SYNE1: variants seen among roughly 807,000 people sequenced by gnomAD.
SYNE1 encodes nesprin-1.
In SYNE1, 616 loss-of-function variants were observed where a neutral mutation model predicts 1,111.0. The observed-to-expected ratio is 0.55, with a 90% confidence interval of 0.52 to 0.59. SYNE1 has a LOEUF of 0.59. Ranked by LOEUF, SYNE1 falls within the 20% of genes least tolerant of loss-of-function variation. SYNE1 has a pLI of 0.00. For synonymous variants in SYNE1, 3,855 were observed against 3,825.8 expected (o/e 1.01, Z -0.28); for missense variants, 10,006 against 10,417.0 (o/e 0.96, Z 1.72).
chr6:152,198,606 T>G (rs1029962133), intron 127 of SYNE1, among the ~76,000 whole-genome samples: 6 of 152,180 alleles, frequency 3.9e-5, no homozygotes, highest in African/African-American at 7.2e-5. Flanking sequence ...AGACATGAGA[T>G]TTTTTTCAAT....
chr6:152,330,038 T>A lies in SYNE1; in HGVS notation c.14647A>T (p.Met4883Leu), dbSNP rs761441922. 6.2e-7 allele frequency: 1 copy of A among 1,614,070 alleles called. No individual in the cohort carries two copies. The highest frequency in any genetic ancestry group is 1.7e-5 in the Admixed American group (1 of 59,988). Residue 4883 changes from methionine to leucine, a missense_variant, in exon 78 of 146, where the codon ATG becomes TTG. Around this residue, in one of 7 missense-constraint regions of SYNE1, gnomAD observed 4,955 missense variants for 5,017.2 expected, o/e 0.99. Coordinates refer to ENST00000367255, the MANE Select transcript of SYNE1 (RefSeq NM_182961.4). ...GTCTGGAAGTCTATACTCTGCACCA[T>A]TCGGCTCTCACATTCTGTCACCGTC... ...GETVTECESR[M>L]VQSIDFQTEM...
Position 152,269,436 on chromosome 6 carries a change from C to T in SYNE1, c.18574-150G>A, listed in dbSNP as rs191519917. On this transcript the variant is annotated intron_variant, in intron 98 of 145. Transcript: ENST00000367255. ...CCACATTTTTTAAAAAAAACAGTAA[C>T]ACAAAACCCATCTAAGTTATGGCAT... 9.8e-6 allele frequency: 11 copies of T among 1,121,944 alleles called. No individual in the cohort carries two copies. The Admixed American group carries it at 2.2e-4, about 22-fold the overall frequency. The allele number at this position is 1,121,944 out of a possible 1,614,324, so 69.5% of individuals were successfully genotyped here. A position where few individuals can be genotyped will look rare whatever the true frequency, so the allele number is the denominator to read the frequency against.
chr6:152,520,600 T>A, intron 5 of SYNE1, 58 bp from the exon 6 acceptor site: 1 of 1,550,132 alleles, frequency 6.5e-7, no homozygotes, highest in Non-Finnish European at 8.9e-7. Flanking sequence ...AAAATGTTAG[T>A]TATAAGATCT....
intron 13 of SYNE1, among the ~76,000 whole-genome samples, chr6:152,484,115 G>A (rs2098926536): frequency 6.6e-6 from 1 of 151,704 alleles, no homozygotes; most frequent in African/African-American, 2.4e-5. Flanking sequence ...GGGAGGCTGA[G>A]GTAGGATGAT....
chr6:152,358,889 G>A (rs545928910), intron 65 of SYNE1, among the ~76,000 whole-genome samples: 1 of 152,100 alleles, frequency 6.6e-6, no homozygotes, highest in African/African-American at 2.4e-5. Flanking sequence ...AGATTTGGAC[G>A]TACTGTGGAT....
In SYNE1 at chr6:152,230,708, CAA is replaced by C; in HGVS notation, c.21040-8_21040-7del. On this transcript the variant is annotated splice_region_variant and splice_polypyrimidine_tract_variant and intron_variant, in intron 114 of 145. Transcript: ENST00000367255. ...AAGCCTTCCAACAGCTGGATCTGAA[CAA>C]ACACAATAAAATGAAATTTGCAACT... 6.2e-7 allele frequency: 1 copy of C among 1,613,612 alleles called. No homozygotes were observed. The highest frequency in any genetic ancestry group is 1.1e-5 in the South Asian group (1 of 91,052).
intron 127 of SYNE1, 24 bp from the exon 128 acceptor site, chr6:152,189,431 T>A (rs906123997): frequency 1.1e-5 from 17 of 1,612,522 alleles, no homozygotes; most frequent in Non-Finnish European, 1.4e-5. Context: ...CAAACTTGAA[T>A]ACCCACGGAC....
chr6:152,463,823 C>G (rs534732461), intron 18 of SYNE1, among the ~76,000 whole-genome samples: 17 of 152,180 alleles, frequency 1.1e-4, no homozygotes, highest in African/African-American at 4.1e-4. Flanking sequence ...GTGTAAGAGA[C>G]CTGTGCATAA....
intron 3 of SYNE1, among the ~76,000 whole-genome samples, chr6:152,598,802 T>C (rs914810360): frequency 3.9e-5 from 6 of 152,236 alleles, no homozygotes; most frequent in African/African-American, 1.4e-4. Flanking sequence ...ATGTGATCTA[T>C]CTGACAGATA....
Position 152,232,279 on chromosome 6 carries a change from G to T in SYNE1, c.20713-14C>A, listed in dbSNP as rs1343446899. 1 of 1,613,600 alleles carries T rather than the reference G, an allele frequency of 6.2e-7. No individual in the cohort carries two copies. The highest frequency in any genetic ancestry group is 8.5e-7 in the Non-Finnish European group (1 of 1,179,794). ...ATCCATCTGGAGCTGTCCAAGTCAG[G>T]GAGAGAACCAGTCCCAAGTGTTAAA... On this transcript the variant is annotated splice_polypyrimidine_tract_variant and intron_variant, in intron 112 of 145. Transcript: ENST00000367255.
intron 140 of SYNE1, among the ~76,000 whole-genome samples, chr6:152,138,297 G>C (rs9371240): frequency 0.095 from 14,478 of 151,968 alleles, 891 homozygotes; most frequent in East Asian, 0.31. Flanking sequence ...GATCACTTGA[G>C]GTCAGGAATT....
intron 131 of SYNE1, among the ~76,000 whole-genome samples, chr6:152,161,672 A>G (rs2062534038): frequency 3.3e-5 from 5 of 151,358 alleles, no homozygotes. Context: ...AGTGGTGAGG[A>G]TTCTTGCCTA....
chr6:152,269,258 T>C lies in SYNE1; in HGVS notation c.18602A>G (p.Asp6201Gly), dbSNP rs375829264. The C allele has an allele frequency of 3.1e-6, 5 of 1,614,088 alleles. No individual in the cohort carries two copies. Among genetic ancestry groups the C allele is most frequent in the African/African-American group, 1.3e-5 (1 of 74,924 alleles). The change falls in exon 99 of 146, where the codon GAT becomes GGT. Residue 6201 changes from aspartate (D) to glycine (G), a missense_variant. Asp to Gly is a moderately conservative substitution (Grantham distance 94). This residue lies in a region of SYNE1 where 2,182 missense variants were observed against 2,287.8 expected (regional missense o/e 0.95). Transcript: ENST00000367255. ...GCTCTGCGTGGCTGTTAGGTCAACA[T>C]CGCTCTCCTCCTTCTCCTGTGCTGT... ...QGTAQEKEES[D>G]VDLTATQSPG...
intron 3 of SYNE1, among the ~76,000 whole-genome samples, chr6:152,569,074 C>A (rs1025819849): frequency 6.6e-6 from 1 of 152,146 alleles, no homozygotes; most frequent in Non-Finnish European, 1.5e-5. Flanking sequence ...TATTATCATA[C>A]ATCAGTGGTC....
intron 3 of SYNE1, among the ~76,000 whole-genome samples, chr6:152,560,195 A>G (rs2099390525): frequency 6.6e-6 from 1 of 152,038 alleles, no homozygotes; most frequent in Non-Finnish European, 1.5e-5. Flanking sequence ...TCTATCAAAA[A>G]TACAAAAAAT....
At chr6:152,514,693 A>C (rs1396617297) in intron 6 of SYNE1, among the ~76,000 whole-genome samples, 1 of 151,942 alleles carries the variant, frequency 6.6e-6, no homozygotes. Flanking sequence ...CCAAAGATTG[A>C]TCTTCCTCTC....
intron 145 of SYNE1, chr6:152,125,937 T>C (rs539499732): frequency 6.6e-6 from 1 of 152,470 alleles, no homozygotes; most frequent in African/African-American, 2.4e-5. Flanking sequence ...GCACCCCTCA[T>C]CTTTGCAAAT....
At chr6:152,206,135 T>G in intron 126 of SYNE1, 33 bp downstream of exon 126, 1 of 1,606,728 alleles carries the variant, frequency 6.2e-7, no homozygotes, top group Non-Finnish European at 8.5e-7. Flanking sequence ...ACTAAAAGGG[T>G]TTTTTGGTTC....
At chr6:152,411,934 A>G (rs1158871176) in intron 42 of SYNE1, among the ~76,000 whole-genome samples, 1 of 152,240 alleles carries the variant, frequency 6.6e-6, no homozygotes, top group African/African-American at 2.4e-5. Context: ...ATATTTTGCT[A>G]TACAATCCAG....
Sources: allele counts gnomAD v4.1 joint callset (sites outside exome capture counted in the v4.1 genomes callset), GRCh38; gene constraint gnomAD v4.1.1; regional missense constraint gnomAD v4.1.1; transcripts MANE v1.5; gene names NCBI Gene and HGNC (gene_info 2026-07-23, HGNC 2026-07-21).